CCDC148: variants seen among roughly 807,000 people sequenced by gnomAD.
CCDC148 encodes coiled-coil domain-containing protein 148.
Under a neutral mutation model 85.7 loss-of-function variants are expected in CCDC148, and 89 were observed. That is an observed-to-expected ratio of 1.04 (90% CI 0.87 to 1.24). CCDC148 has a LOEUF of 1.24. Among genes scored for constraint, CCDC148 ranks in the 50% most tolerant of loss-of-function variants. The pLI is 0.00. For synonymous variants in CCDC148, 230 were observed against 213.9 expected (o/e 1.08, Z -0.66); for missense variants, 692 against 671.7 (o/e 1.03, Z -0.33).
chr2:158,414,031 GA>G (rs1236049218), intron 1 of CCDC148, among the ~76,000 whole-genome samples: 1 of 152,144 alleles, frequency 6.6e-6, no homozygotes, highest in East Asian at 1.9e-4. Context: ...CACCCAAATA[GA>G]AAGTGATACA....
Position 158,340,168 on chromosome 2 carries a change from T to C in CCDC148, c.486+74A>G, listed in dbSNP as rs1277049809. ...TAATATACAGGTCACACATGTTTGT[T>C]TCTTATCTCAAACTCTTCTAGTTGG... On this transcript the variant is annotated intron_variant, in intron 5 of 13. Coordinates refer to ENST00000283233, the MANE Select transcript of CCDC148 (RefSeq NM_138803.4). 2.2e-6 allele frequency: 3 copies of C among 1,368,532 alleles called. No individual in the cohort carries two copies. The Admixed American group carries it at 5.9e-5, about 27-fold the overall frequency. The allele number at this position is 1,368,532 out of a possible 1,614,324, so 84.8% of individuals were successfully genotyped here.
chr2:158,251,714 A>G (rs912588935), intron 9 of CCDC148, among the ~76,000 whole-genome samples: 2 of 151,850 alleles, frequency 1.3e-5, no homozygotes, highest in African/African-American at 4.8e-5. Flanking sequence ...CCATAACTCC[A>G]TATTCATGGA....
chr2:158,392,061 C>G (rs964977186), intron 1 of CCDC148, among the ~76,000 whole-genome samples: 3 of 152,114 alleles, frequency 2.0e-5, no homozygotes, highest in Non-Finnish European at 2.9e-5. Context: ...GTCATAATTT[C>G]ATTGCATACT....
chr2:158,240,990 G>C (rs534955313), intron 10 of CCDC148, among the ~76,000 whole-genome samples: 67 of 152,288 alleles, frequency 4.4e-4, no homozygotes, highest in African/African-American at 1.5e-3. Flanking sequence ...GCATGGGTGA[G>C]TGTGAAGACA....
At position 158,176,046 on chromosome 2, in the gene CCDC148, G is replaced by A. The variant is rs568355088; in HGVS notation, c.1629+475C>T. ...AAATAAGCCCTTAACACCTTTTTCC[G>A]TAAAAAATGTTTTATCATTAGCTCT... On this transcript the variant is annotated intron_variant, in intron 13 of 13. Transcript: ENST00000283233. 3.7e-4 allele frequency among the ~76,000 whole-genome samples: 56 copies of A among 152,014 alleles called. 1 individual carries two copies. The South Asian group carries it at 6.4e-3, about 17-fold the overall frequency.
chr2:158,176,268 T>A (rs997585853), intron 13 of CCDC148, among the ~76,000 whole-genome samples: 1 of 151,976 alleles, frequency 6.6e-6, no homozygotes, highest in Non-Finnish European at 1.5e-5. Flanking sequence ...TTAAAAAAAT[T>A]TAAAAAATAA....
At chr2:158,292,366 A>C (rs1166426554) in intron 9 of CCDC148, among the ~76,000 whole-genome samples, 2 of 152,228 alleles carry the variant, frequency 1.3e-5, no homozygotes, top group Non-Finnish European at 2.9e-5. Context: ...GTGGAAATGT[A>C]CTTGAATACT....
chr2:158,313,986 C>T (rs17808470), intron 7 of CCDC148, 92 bp from the exon 8 acceptor site: 45,120 of 1,223,370 alleles, frequency 0.037, 933 homozygotes, highest in Middle Eastern at 0.058. Flanking sequence ...GTGATAGTAA[C>T]GAAGCAAAAC....
chr2:158,189,484 G>A (rs1002427100), intron 11 of CCDC148, among the ~76,000 whole-genome samples: 2 of 151,724 alleles, frequency 1.3e-5, no homozygotes, highest in East Asian at 1.9e-4. Flanking sequence ...AAGTTAACAC[G>A]TATACTATAA....
At chr2:158,354,635 A>C (rs1178784720) in intron 2 of CCDC148, among the ~76,000 whole-genome samples, 1 of 152,158 alleles carries the variant, frequency 6.6e-6, no homozygotes, top group Non-Finnish European at 1.5e-5. Context: ...TCACAGCTGA[A>C]TTCTACCAGA....
At chr2:158,310,881 G>A (rs969494744) in intron 8 of CCDC148, among the ~76,000 whole-genome samples, 6 of 150,788 alleles carry the variant, frequency 4.0e-5, no homozygotes, top group Non-Finnish European at 8.9e-5. Context: ...CAGACTGGGT[G>A]GCCGGGCAGA....
At chr2:158,197,318 T>C (rs1276712385) in intron 11 of CCDC148, among the ~76,000 whole-genome samples, 1 of 152,138 alleles carries the variant, frequency 6.6e-6, no homozygotes, top group African/African-American at 2.4e-5. Context: ...AATTTGAAGG[T>C]AGAGAGTCTA....
chr2:158,339,677 C>A (rs997257674), intron 5 of CCDC148, among the ~76,000 whole-genome samples: 2 of 151,986 alleles, frequency 1.3e-5, no homozygotes, highest in Non-Finnish European at 2.9e-5. Context: ...CAGCACAGGC[C>A]TCTCAGACAA....
Position 158,178,944 on chromosome 2 carries a change from C to T in CCDC148, c.1423G>A (p.Val475Met). 3 of 1,613,656 alleles carry T rather than the reference C, an allele frequency of 1.9e-6. No individual in the cohort carries two copies. The highest frequency in any genetic ancestry group is 1.7e-6 in the Non-Finnish European group (2 of 1,179,776). The change falls in exon 12 of 14, where the codon GTG becomes ATG. Residue 475 changes from valine (V) to methionine (M), a missense_variant. Val to Met is a conservative substitution (Grantham distance 21). Transcript: ENST00000283233. ...LERRLMEKKE[V>M]ALQEAHEDKE... is the part of the protein sequence containing the mutation. ...TCTTCATGAGCTTCTTGAAGGGCCA[C>T]TTCCTTTTTCTCCATCAAACGCCTT...
rs527336075 is a variant in CCDC148 at position 158,329,418 on chromosome 2, C to T, written c.764+9308G>A. 3.3e-5 allele frequency among the ~76,000 whole-genome samples: 5 copies of T among 152,234 alleles called. No individual in the cohort carries two copies. In the East Asian group the frequency reaches 9.6e-4, roughly 29 times the overall value. On this transcript the variant is annotated intron_variant, in intron 7 of 13. Coordinates refer to ENST00000283233, the MANE Select transcript of CCDC148 (RefSeq NM_138803.4). ...TACCATGCTGTTTTGGTTACTGTAG[C>T]CTTGTAGTATAGTTTGAGGCCAGGT...
chr2:158,374,069 C>G (rs1190727980), intron 1 of CCDC148, among the ~76,000 whole-genome samples: 1 of 151,986 alleles, frequency 6.6e-6, no homozygotes, highest in Non-Finnish European at 1.5e-5. Context: ...CTGCTTTTCC[C>G]CTACATTTAA....
chr2:158,216,550 C>A (rs1227318643), intron 11 of CCDC148, among the ~76,000 whole-genome samples: 2 of 151,660 alleles, frequency 1.3e-5, no homozygotes, highest in Admixed American at 1.3e-4. Context: ...GTGCGTGCCA[C>A]CATGCCTGGC....
rs996952241 is a variant in CCDC148, at chr2:158,171,946, A to G, written c.*167T>C. On this transcript the variant is annotated 3_prime_UTR_variant, in exon 14 of 14. Transcript: ENST00000283233. ...TATAACTTAAAGATACAGGAAATAT[A>G]GTGCATAAAATTCTAAGAATCACAA... The G allele has an allele frequency of 1.9e-6, 1 of 530,740 alleles. No homozygotes were observed. The highest frequency in any genetic ancestry group is 3.3e-6 in the Non-Finnish European group (1 of 307,250). The allele number at this position is 530,740 out of a possible 1,614,324, so 32.9% of individuals were successfully genotyped here. A position where few individuals can be genotyped will look rare whatever the true frequency, so the allele number is the denominator to read the frequency against.
intron 1 of CCDC148, among the ~76,000 whole-genome samples, chr2:158,435,770 G>C (rs1687617440): frequency 6.6e-6 from 1 of 151,996 alleles, no homozygotes; most frequent in African/African-American, 2.4e-5. Context: ...CAAAATAAAG[G>C]GATGGAGGAA....
Sources: gnomAD v4.1 joint callset for allele counts (sites outside exome capture counted in the v4.1 genomes callset) on GRCh38, gnomAD v4.1.1 for gene constraint, MANE v1.5 for transcripts, NCBI Gene and HGNC (gene_info 2026-07-23, HGNC 2026-07-21) for gene names.